Variants in CAST observed in about 807,000 individuals in gnomAD.
CAST encodes the protein calpastatin.
Under a neutral mutation model 119.6 loss-of-function variants are expected in CAST, and 76 were observed. The ratio of observed to expected loss-of-function variants is 0.64; its 90% CI spans 0.53 to 0.77. CAST has a LOEUF of 0.77. CAST is among the 30% of genes least tolerant of loss of function. The probability of loss-of-function intolerance (pLI) is 0.00; values close to 1 mark genes in which losing one functional copy is unlikely to be tolerated. For synonymous variants in CAST, 319 were observed against 331.6 expected (o/e 0.96, Z 0.41); for missense variants, 953 against 946.5 (o/e 1.01, Z -0.09).
chr5:96,343,815 A>G, the CAST span, among the ~76,000 whole-genome samples: 1 of 152,212 alleles, frequency 6.6e-6, no homozygotes, highest in African/African-American at 2.4e-5. Flanking sequence ...CACTGTATTT[A>G]AAATTGTATA....
the CAST span, among the ~76,000 whole-genome samples, chr5:95,967,714 T>C: frequency 2.0e-5 from 3 of 152,212 alleles, no homozygotes; most frequent in Admixed American, 6.5e-5. Flanking sequence ...TCCACCATGA[T>C]TGTTAGTTTC....
chr5:96,723,364 TATTA>T (rs1487392058), intron 4 of CAST, among the ~76,000 whole-genome samples: 5 of 152,162 alleles, frequency 3.3e-5, no homozygotes, highest in African/African-American at 4.8e-5. Context: ...GAATATAAAT[TATTA>T]ATTCTTGCTA....
the CAST span, among the ~76,000 whole-genome samples, chr5:96,116,104 G>A: frequency 6.6e-6 from 1 of 151,854 alleles, no homozygotes. Context: ...CATTTTATCC[G>A]TTCTCCTGAC....
chr5:96,170,103 G>A, the CAST span, among the ~76,000 whole-genome samples: 27 of 152,286 alleles, frequency 1.8e-4, no homozygotes, highest in Non-Finnish European at 2.6e-4. Context: ...AAAGCTTGGC[G>A]TCCGTGATGG....
At chr5:96,101,822 G>A in the CAST span, among the ~76,000 whole-genome samples, 24 of 152,142 alleles carry the variant, frequency 1.6e-4, no homozygotes, top group Non-Finnish European at 3.2e-4. Flanking sequence ...GTGTGTAAGC[G>A]AGTGAATGTG....
intron 1 of CAST, among the ~76,000 whole-genome samples, chr5:96,561,786 G>GGTTTTTTTTTTTTTTTTTTTTTTTTT (rs1189100090): frequency 1.9e-5 from 2 of 105,432 alleles, no homozygotes; most frequent in Non-Finnish European, 3.7e-5. Context: ...TTATATATAT[G>GGTTTTTTTTTTTTTTTTTTTTTTTTT]TTTTTTTTTG....
chr5:96,228,025 G>C, the CAST span, among the ~76,000 whole-genome samples: 1 of 151,380 alleles, frequency 6.6e-6, no homozygotes, highest in Non-Finnish European at 1.5e-5. Context: ...GTGTGTGTGT[G>C]TGCACGCACA....
chr5:96,534,049 T>C (rs1745738827), intron 1 of CAST, among the ~76,000 whole-genome samples: 1 of 152,168 alleles, frequency 6.6e-6, no homozygotes, highest in Non-Finnish European at 1.5e-5. Context: ...CAAGCAGAAA[T>C]TAGAATTTTG....
intron 3 of CAST, among the ~76,000 whole-genome samples, chr5:96,712,805 G>A (rs1183645301): frequency 6.6e-6 from 1 of 152,156 alleles, no homozygotes; most frequent in East Asian, 1.9e-4. Flanking sequence ...TTGGATAAGA[G>A]AACCTTGTTA....
the CAST span, among the ~76,000 whole-genome samples, chr5:96,056,768 T>C: frequency 6.6e-6 from 1 of 152,164 alleles, no homozygotes. Flanking sequence ...AGTTCTTCTC[T>C]GGCCTGAGAT....
chr5:96,012,653 G>T, the CAST span, among the ~76,000 whole-genome samples: 3 of 152,120 alleles, frequency 2.0e-5, no homozygotes, highest in African/African-American at 7.2e-5. Context: ...CTACTTCTTA[G>T]ACCTGTACAC....
the CAST span, among the ~76,000 whole-genome samples, chr5:96,110,128 G>A: frequency 9.8e-4 from 149 of 152,268 alleles, no homozygotes; most frequent in African/African-American, 3.3e-3. Context: ...AGAGAATGGG[G>A]TGACATACAA....
At chr5:96,189,081 A>G in the CAST span, among the ~76,000 whole-genome samples, 1 of 152,124 alleles carries the variant, frequency 6.6e-6, no homozygotes, top group African/African-American at 2.4e-5. Context: ...ATCTTCTCAT[A>G]GCCTGCTGAT....
At chr5:96,196,732 C>T in the CAST span, among the ~76,000 whole-genome samples, 58 of 152,176 alleles carry the variant, frequency 3.8e-4, 1 homozygote, top group Non-Finnish European at 1.5e-5. Flanking sequence ...CCAGATAACG[C>T]AGGGTCCTGC....
chr5:96,192,888 G>A, the CAST span, among the ~76,000 whole-genome samples: 3 of 152,106 alleles, frequency 2.0e-5, no homozygotes, highest in Non-Finnish European at 4.4e-5. Context: ...CAATTAGAGC[G>A]GCACAATGGG....
At chr5:96,219,371 T>C in the CAST span, among the ~76,000 whole-genome samples, 76 of 152,340 alleles carry the variant, frequency 5.0e-4, no homozygotes, top group South Asian at 0.016. Context: ...CCCTGTCTCA[T>C]AGCCCCAAAG....
the CAST span, among the ~76,000 whole-genome samples, chr5:96,268,614 C>A: frequency 6.6e-6 from 1 of 151,830 alleles, no homozygotes; most frequent in Non-Finnish European, 1.5e-5. Context: ...AAAAATAAAT[C>A]AAAAATAAAA....
At chr5:96,653,550 A>G (rs1166397575) in intron 1 of CAST, among the ~76,000 whole-genome samples, 2 of 152,202 alleles carry the variant, frequency 1.3e-5, no homozygotes, top group Non-Finnish European at 2.9e-5. Context: ...GGGTACAAAT[A>G]AAACCTCGTA....
the CAST span, among the ~76,000 whole-genome samples, chr5:96,482,394 A>G: frequency 6.6e-6 from 1 of 151,284 alleles, no homozygotes; most frequent in Non-Finnish European, 1.5e-5. Flanking sequence ...AAAATTCCCC[A>G]TCTAGTATCC....
Sources: gnomAD v4.1 joint callset for allele counts (sites outside exome capture counted in the v4.1 genomes callset) on GRCh38, gnomAD v4.1.1 for gene constraint, MANE v1.5 for transcripts, NCBI Gene and HGNC (gene_info 2026-07-23, HGNC 2026-07-21) for gene names.